UQCRC1: variants seen among roughly 807,000 people sequenced by gnomAD.
UQCRC1 encodes the protein cytochrome b-c1 complex subunit 1, mitochondrial.
UQCRC1 carries 34 observed loss-of-function variants against 58.0 expected under a neutral mutation model. The ratio of observed to expected loss-of-function variants is 0.59; its 90% CI spans 0.45 to 0.78. The LOEUF (loss-of-function observed/expected upper bound fraction) is 0.78. Among genes scored for constraint, UQCRC1 ranks in the 30% least tolerant of loss-of-function variants. The pLI is 0.00. For synonymous variants in UQCRC1, 276 were observed against 248.8 expected, an observed-to-expected ratio of 1.11 and a Z score of -1.03; for missense variants, 610 against 646.0, an observed-to-expected ratio of 0.94 and a Z score of 0.60.
chr3:48,602,082 G>A (rs563147015), intron 6 of UQCRC1, among the ~76,000 whole-genome samples: 5 of 146,660 alleles, frequency 3.4e-5, no homozygotes, highest in Non-Finnish European at 5.9e-5. Flanking sequence ...ACGGAGTCTC[G>A]CTCTGTTGCC....
Position 48,600,524 on chromosome 3 carries a change from C to T in UQCRC1, c.1171G>A (p.Gly391Ser), listed in dbSNP as rs755720228. ...AGGGCATTTCTGAGGATGTTTTTGCCCCGGGCCACCTCACTCTCCGTGGCA... is the reference window on the plus strand; with the variant it reads ...AGGGCATTTCTGAGGATGTTTTTGCTCCGGGCCACCTCACTCTCCGTGGCA... ...TSATESEVAR[G>S]KNILRNALVS... The change falls in exon 10 of 13, where the codon GGC becomes AGC. Residue 391 changes from glycine (G) to serine (S), a missense_variant. Gly to Ser is a moderately conservative substitution (Grantham distance 56). Coordinates refer to ENST00000203407, the MANE Select transcript of UQCRC1 (RefSeq NM_003365.3). 6.2e-7 allele frequency: 1 copy of T among 1,614,040 alleles called. No homozygotes were observed. The highest frequency in any genetic ancestry group is 1.7e-5 in the Admixed American group (1 of 60,008).
At chr3:48,599,506 G>A in intron 12 of UQCRC1, 129 bp downstream of exon 12, 1 of 1,015,672 alleles carries the variant, frequency 9.8e-7, no homozygotes, top group Non-Finnish European at 1.5e-6. Flanking sequence ...AGGGGACTGG[G>A]GAGAGCTGCT....
intron 2 of UQCRC1, among the ~76,000 whole-genome samples, chr3:48,606,267 A>C (rs1290269277): frequency 6.6e-6 from 1 of 152,234 alleles, no homozygotes; most frequent in East Asian, 1.9e-4. Context: ...TGTTCTGGCA[A>C]TGATTTTATC....
chr3:48,603,462 C>T lies in UQCRC1; in HGVS notation c.706+102G>A, dbSNP rs940267991. The T allele has an allele frequency of 6.1e-6, 7 of 1,155,300 alleles. No individual in the cohort carries two copies. In the African/African-American group the frequency reaches 9.2e-5, roughly 15 times the overall value. The allele number at this position is 1,155,300 out of a possible 1,614,324, so 71.6% of individuals were successfully genotyped here. A position where few individuals can be genotyped will look rare whatever the true frequency, so the allele number is the denominator to read the frequency against. On this transcript the variant is annotated intron_variant, in intron 6 of 12. Coordinates refer to ENST00000203407, the MANE Select transcript of UQCRC1 (RefSeq NM_003365.3). ...CTCAAGGTTAGGGTGGGAGCAGAGT[C>T]CCCTGGGGTGAAAGGTCCCCTATGG...
chr3:48,600,459 C>A, intron 10 of UQCRC1, 23 bp downstream of exon 10: 1 of 1,613,752 alleles, frequency 6.2e-7, no homozygotes. Context: ...CTCTACCCCT[C>A]CCCGCTGAGC....
chr3:48,601,532 C>G, intron 6 of UQCRC1, 65 bp from the exon 7 acceptor site: 2 of 1,469,722 alleles, frequency 1.4e-6, no homozygotes, highest in Non-Finnish European at 1.9e-6. Flanking sequence ...GGGCGATTCA[C>G]AGACAGGCAG....
At chr3:48,599,877 G>A (rs545610343) in intron 11 of UQCRC1, among the ~76,000 whole-genome samples, 167 bp from the exon 12 acceptor site, 11 of 152,240 alleles carry the variant, frequency 7.2e-5, no homozygotes, top group East Asian at 3.9e-4. Context: ...CATGGGCCCC[G>A]CCCATCTCCA....
Position 48,602,053 on chromosome 3 carries a change from CT to C in UQCRC1, c.707-587del, listed in dbSNP as rs35090371. 9.3e-3 allele frequency among the ~76,000 whole-genome samples: 1,308 copies of C among 140,568 alleles called. 7 individuals are homozygous for C. Among genetic ancestry groups the C allele is most frequent in the African/African-American group, 0.029 (1,105 of 38,320 alleles). The allele number at this position is 140,568 out of a possible 152,430, so 92.2% of individuals were successfully genotyped here. On this transcript the variant is annotated intron_variant, in intron 6 of 12. Coordinates refer to ENST00000203407, the MANE Select transcript of UQCRC1 (RefSeq NM_003365.3). The stretch of plus-strand genomic sequence containing the variant: ...CTGTGGTGCCACCAGTTGCATTGGC[CT>C]TTTTTTTTTTTTTTGAGACGGAGTC...
At chr3:48,607,466 C>T (rs1228051846) in intron 2 of UQCRC1, among the ~76,000 whole-genome samples, 4 of 152,134 alleles carry the variant, frequency 2.6e-5, no homozygotes, top group African/African-American at 4.8e-5. Flanking sequence ...TGAGCCACTG[C>T]GCCCAGCCAA....
At position 48,609,303 on chromosome 3, in the gene UQCRC1, C is replaced by T. The variant is rs2107850073; in HGVS notation, c.70-1G>A. On this transcript the variant is annotated splice_acceptor_variant, in intron 1 of 12. Transcript: ENST00000203407. LOFTEE classifies it high-confidence loss of function. The stretch of plus-strand genomic sequence containing the variant: ...AGGCTGGCGTCCGCAGCAGGGCCGG[C>T]TGTGGAAGGGAACAGCCGCGAGTGA... 1 of 1,606,696 alleles carries T rather than the reference C, an allele frequency of 6.2e-7. No homozygotes were observed. Among genetic ancestry groups the T allele is most frequent in the East Asian group, 2.2e-5 (1 of 44,742 alleles).
chr3:48,599,852 C>T lies in UQCRC1; in HGVS notation c.1303-142G>A, dbSNP rs2046345860. The T allele has an allele frequency of 4.7e-6, 5 of 1,053,052 alleles. No homozygotes were observed. The South Asian group carries it at 5.6e-5, about 12-fold the overall frequency. The allele number at this position is 1,053,052 out of a possible 1,614,324, so 65.2% of individuals were successfully genotyped here. A position where few individuals can be genotyped will look rare whatever the true frequency, so the allele number is the denominator to read the frequency against. On this transcript the variant is annotated intron_variant, in intron 11 of 12. Transcript: ENST00000203407. ...CAAAAGAGGAAAGGCAGAAGGGATC[C>T]CTGCTATAGACCTCCATGGGCCCCG...
chr3:48,601,491 A>G, intron 6 of UQCRC1, 24 bp from the exon 7 acceptor site: 1 of 1,610,070 alleles, frequency 6.2e-7, no homozygotes, highest in South Asian at 1.1e-5. Context: ...CAGTGGCATT[A>G]CTGACCAGCC....
rs370773357 is a variant in UQCRC1, at chr3:48,607,004, G to A, written c.211-1148C>T. On this transcript the variant is annotated intron_variant, in intron 2 of 12. Coordinates refer to ENST00000203407, the MANE Select transcript of UQCRC1 (RefSeq NM_003365.3). ...CTCCCGAGTAGCTGGAACTACAGGC[G>A]TGCACCACCACGCCCAGCTAATTTT... is the stretch of plus-strand genomic sequence containing the variant. 5.9e-5 allele frequency among the ~76,000 whole-genome samples: 9 copies of A among 151,760 alleles called. No individual in the cohort carries two copies. The East Asian group carries it at 9.8e-4, about 17-fold the overall frequency.
rs1281898585 is a variant in UQCRC1, at chr3:48,609,214, A to T, written c.158T>A (p.Leu53Gln). The T allele has an allele frequency of 5.6e-6, 9 of 1,613,092 alleles. No homozygotes were observed. Among genetic ancestry groups the T allele is most frequent in the Non-Finnish European group, 6.8e-6 (8 of 1,179,784 alleles). ...QFVPETQVSL[L>Q]DNGLRVASEQ... ...GGAGGCCACACGCAGGCCGTTGTCC[A>T]GCAGGCTAACCTGCGTCTCCGGCAC... is the stretch of plus-strand genomic sequence containing the variant. The change falls in exon 2 of 13, where the codon CTG becomes CAG. Residue 53 changes from leucine to glutamine, a missense_variant. By Grantham distance (113) the Leu-to-Gln change is moderately radical (BLOSUM62 -2). Transcript: ENST00000203407.
intron 2 of UQCRC1, among the ~76,000 whole-genome samples, chr3:48,606,849 A>G (rs930798741): frequency 1.3e-5 from 2 of 150,066 alleles, no homozygotes; most frequent in African/African-American, 4.9e-5. Flanking sequence ...AGTTTTTCAC[A>G]TCTACTTTCC....
At chr3:48,602,026 C>A (rs1391026426) in intron 6 of UQCRC1, among the ~76,000 whole-genome samples, 1 of 151,580 alleles carries the variant, frequency 6.6e-6, no homozygotes, top group Non-Finnish European at 1.5e-5. Context: ...AAGAGGAGGG[C>A]TCTGTGGTGC....
intron 2 of UQCRC1, among the ~76,000 whole-genome samples, chr3:48,606,327 C>T (rs1433703015): frequency 1.3e-5 from 2 of 152,218 alleles, no homozygotes; most frequent in African/African-American, 2.4e-5. Flanking sequence ...TATTTTATCA[C>T]ACTAAATATT....
chr3:48,600,903 C>A (rs955256071), intron 8 of UQCRC1, 63 bp from the exon 9 acceptor site: 61 of 1,609,894 alleles, frequency 3.8e-5, no homozygotes, highest in Non-Finnish European at 5.0e-5. Flanking sequence ...GTGACCCCCA[C>A]GCACAGGAGC....
intron 5 of UQCRC1, 109 bp downstream of exon 5, chr3:48,604,124 A>T: frequency 8.2e-7 from 1 of 1,220,960 alleles, no homozygotes; most frequent in Non-Finnish European, 1.2e-6. Flanking sequence ...CAGTTGCATA[A>T]CTCAGGAAAA....
Sources: gnomAD v4.1 joint callset for allele counts (sites outside exome capture counted in the v4.1 genomes callset) on GRCh38, gnomAD v4.1.1 for gene constraint, MANE v1.5 for transcripts, NCBI Gene and HGNC (gene_info 2026-07-23, HGNC 2026-07-21) for gene names.